The following SYT16 variants were observed in gnomAD, a reference collection of about 807,000 sequenced individuals.
SYT16 encodes synaptotagmin 16.
In SYT16, 42 loss-of-function variants were observed where a neutral mutation model predicts 61.4. That is an observed-to-expected ratio of 0.68 (90% CI 0.53 to 0.89). SYT16 has a LOEUF of 0.89. Among genes scored for constraint, SYT16 ranks in the 40% least tolerant of loss-of-function variants. The pLI is 0.00. For synonymous variants in SYT16, 314 were observed against 302.3 expected (o/e 1.04, Z -0.40); for missense variants, 804 against 807.3 (o/e 1.00, Z 0.05).
intron 1 of SYT16, among the ~76,000 whole-genome samples, chr14:61,856,754 C>T (rs1349304962): frequency 1.3e-5 from 2 of 152,096 alleles, no homozygotes; most frequent in Non-Finnish European, 2.9e-5. Context: ...ATATGGGAGT[C>T]ATCAGCATTT....
intron 3 of SYT16, among the ~76,000 whole-genome samples, chr14:62,024,709 A>G (rs1435177515): frequency 1.3e-5 from 2 of 152,078 alleles, no homozygotes; most frequent in Non-Finnish European, 2.9e-5. Flanking sequence ...TGACAAGTAT[A>G]TAATAATATG....
chr14:61,859,995 G>A (rs1209289633), intron 1 of SYT16, among the ~76,000 whole-genome samples: 5 of 152,196 alleles, frequency 3.3e-5, no homozygotes, highest in Non-Finnish European at 5.9e-5. Flanking sequence ...GACAGACCTT[G>A]TCCATATACC....
intron 1 of SYT16, among the ~76,000 whole-genome samples, chr14:61,925,337 C>T (rs1051504753): frequency 2.6e-4 from 39 of 152,262 alleles, no homozygotes; most frequent in African/African-American, 8.4e-4. Context: ...GAAAGGAATT[C>T]CTGTGGCCAG....
At chr14:61,926,940 C>T (rs2049562820) in intron 1 of SYT16, among the ~76,000 whole-genome samples, 2 of 152,092 alleles carry the variant, frequency 1.3e-5, no homozygotes, top group Non-Finnish European at 2.9e-5. Flanking sequence ...TACTAGTTTT[C>T]TTTTTTACTT....
At chr14:61,895,345 G>A (rs574834415) in intron 1 of SYT16, among the ~76,000 whole-genome samples, 11 of 152,180 alleles carry the variant, frequency 7.2e-5, no homozygotes, top group African/African-American at 2.6e-4. Flanking sequence ...GTGACTTTGG[G>A]ATGCCCACAC....
intron 1 of SYT16, among the ~76,000 whole-genome samples, chr14:61,939,473 A>G (rs2050123457): frequency 6.6e-6 from 1 of 152,238 alleles, no homozygotes; most frequent in African/African-American, 2.4e-5. Flanking sequence ...CAGAAGTCTG[A>G]GATCAAGGTG....
At chr14:61,969,443 GT>G (rs2051451777) in intron 1 of SYT16, among the ~76,000 whole-genome samples, 1 of 152,134 alleles carries the variant, frequency 6.6e-6, no homozygotes, top group African/African-American at 2.4e-5. Context: ...AGGCAGGTCA[GT>G]TAAAGGGCAG....
intron 3 of SYT16, among the ~76,000 whole-genome samples, chr14:62,013,963 CAA>C (rs555395324): frequency 8.0e-4 from 104 of 129,272 alleles, no homozygotes; most frequent in African/African-American, 2.7e-3. Flanking sequence ...GATTCCATCT[CAA>C]AAAAAAAAAA....
At chr14:61,841,430 A>G (rs2046297982) in intron 1 of SYT16, among the ~76,000 whole-genome samples, 1 of 152,212 alleles carries the variant, frequency 6.6e-6, no homozygotes, top group African/African-American at 2.4e-5. Context: ...ATGTAATTAG[A>G]AGCAATGGAG....
At chr14:62,074,445 G>T (rs2056410097) in intron 4 of SYT16, among the ~76,000 whole-genome samples, 1 of 152,222 alleles carries the variant, frequency 6.6e-6, no homozygotes, top group Non-Finnish European at 1.5e-5. Context: ...GGGTTGGATG[G>T]GTTGGATGAG....
At chr14:61,979,086 C>A (rs1391260664) in intron 2 of SYT16, among the ~76,000 whole-genome samples, 2 of 151,932 alleles carry the variant, frequency 1.3e-5, no homozygotes, top group African/African-American at 4.8e-5. Flanking sequence ...TCCTTTTATG[C>A]CCATATAAGG....
rs574684313 is a variant in SYT16 at position 61,855,481 on chromosome 14, T to A, written c.-325+42671T>A. Among the ~76,000 whole-genome samples the A allele has an allele frequency of 1.8e-4, 27 of 152,354 alleles. No homozygotes were observed. In the South Asian group the frequency reaches 5.0e-3, roughly 28 times the overall value. ...ACTGGCCTAGAGTTGGGCAAACTTATCTAGCACAAAACCTATTTTATAATA... is the reference window on the plus strand; with the variant it reads ...ACTGGCCTAGAGTTGGGCAAACTTAACTAGCACAAAACCTATTTTATAATA... On this transcript the variant is annotated intron_variant, in intron 1 of 7. Transcript: ENST00000683842.
intron 1 of SYT16, among the ~76,000 whole-genome samples, chr14:61,868,968 T>C (rs1381621535): frequency 6.6e-6 from 1 of 152,120 alleles, no homozygotes; most frequent in African/African-American, 2.4e-5. Context: ...TGAAGTTTTT[T>C]ATTATCTGAA....
chr14:61,963,653 G>A (rs2051196923), intron 1 of SYT16, among the ~76,000 whole-genome samples: 1 of 152,184 alleles, frequency 6.6e-6, no homozygotes, highest in Non-Finnish European at 1.5e-5. Flanking sequence ...TGTAGCAGCA[G>A]CAAGTTATAC....
At chr14:61,940,809 A>G (rs2050178515) in intron 1 of SYT16, among the ~76,000 whole-genome samples, 1 of 152,100 alleles carries the variant, frequency 6.6e-6, no homozygotes, top group African/African-American at 2.4e-5. Flanking sequence ...CTTCCCTGGA[A>G]TGCTCTTCAG....
chr14:62,000,099 A>ATTTTTTTTTTTTTTTTTTTTTTTTTT lies in SYT16; in HGVS notation c.523+3561_523+3586dup. On this transcript the variant is annotated intron_variant, in intron 3 of 7. Transcript: ENST00000683842. Reference sequence around the variant, plus strand: ...TTTCTAATACTTATTTTGTCTCTCGATTTTTTTTTTTTTTTTTTTTTTTTT... The same window carrying ATTTTTTTTTTTTTTTTTTTTTTTTTT: ...TTTCTAATACTTATTTTGTCTCTCGATTTTTTTTTTTTTTTTTTTTTTTTTTTTTTTTTTTTTTTTTTTTTTTTTTT... Among the ~76,000 whole-genome samples, 6 of 18,954 alleles carry ATTTTTTTTTTTTTTTTTTTTTTTTTT rather than the reference A, an allele frequency of 3.2e-4. 1 individual carries two copies. Among genetic ancestry groups the ATTTTTTTTTTTTTTTTTTTTTTTTTT allele is most frequent in the South Asian group, 2.5e-3 (1 of 398 alleles). 12.4% of individuals were successfully genotyped at this position (18,954 alleles called of 152,430 possible). A position where few individuals can be genotyped will look rare whatever the true frequency, so the allele number is the denominator to read the frequency against.
At position 62,105,226 on chromosome 14, in the gene SYT16, G is replaced by C. The variant is rs565427380; in HGVS notation, c.*4519G>C. The stretch of plus-strand genomic sequence containing the variant: ...GATGGTTTGTGTGTACCTCTTGATC[G>C]ATCACAAACAAGGCCTCTCCTTGTC... On this transcript the variant is annotated 3_prime_UTR_variant, in exon 8 of 8. Coordinates refer to ENST00000683842, the MANE Select transcript of SYT16 (RefSeq NM_001367656.1). 6.6e-6 allele frequency: 1 copy of C among 152,106 alleles called. No individual in the cohort carries two copies. Among genetic ancestry groups the C allele is most frequent in the Non-Finnish European group, 1.5e-5 (1 of 68,020 alleles). 9.4% of individuals were successfully genotyped at this position (152,106 alleles called of 1,614,324 possible).
chr14:62,064,355 A>G (rs2055965670), intron 3 of SYT16, among the ~76,000 whole-genome samples: 1 of 150,230 alleles, frequency 6.7e-6, no homozygotes, highest in Non-Finnish European at 1.5e-5. Context: ...AAAAAAAAAA[A>G]AAAGAAAACA....
In SYT16 at chr14:61,903,477, C is replaced by T. The variant is rs151122564; in HGVS notation, c.-324-66655C>T. ...TAGTAACTTGTGAAAGGAAAGAAGG[C>T]GGCTGTGTTTTTTAAATTAGGTTAT... On this transcript the variant is annotated intron_variant, in intron 1 of 7. Transcript: ENST00000683842. 6.1e-3 allele frequency among the ~76,000 whole-genome samples: 933 copies of T among 152,214 alleles called. 5 individuals are homozygous for T. Among genetic ancestry groups the T allele is most frequent in the African/African-American group, 0.016 (664 of 41,538 alleles).
Sources: gnomAD v4.1 joint callset for allele counts (sites outside exome capture counted in the v4.1 genomes callset) on GRCh38, gnomAD v4.1.1 for gene constraint, MANE v1.5 for transcripts, NCBI Gene and HGNC (gene_info 2026-07-23, HGNC 2026-07-21) for gene names.